Variants in TOM1L1 observed in about 807,000 individuals in gnomAD.
The protein encoded by TOM1L1 is TOM1-like protein 1.
A neutral mutation model predicts 63.4 loss-of-function variants in TOM1L1; 64 were observed. The observed-to-expected ratio is 1.01, with a 90% CI of 0.83 to 1.24. The LOEUF (loss-of-function observed/expected upper bound fraction) is 1.24. Among genes scored for constraint, TOM1L1 ranks in the 50% most tolerant of loss-of-function variants. TOM1L1 has a pLI of 0.00. For synonymous variants in TOM1L1, 166 were observed against 194.4 expected, an observed-to-expected ratio of 0.85 and a Z score of 1.22; for missense variants, 536 against 567.0, an observed-to-expected ratio of 0.95 and a Z score of 0.55.
chr17:54,906,701 T>C lies in TOM1L1; in HGVS notation c.222+1134T>C, dbSNP rs1353914714. On this transcript the variant is annotated intron_variant, in intron 3 of 15. Coordinates refer to ENST00000575882, the MANE Select transcript of TOM1L1 (RefSeq NM_005486.3). ...TTAAGCAATTCTCCTGTGTGTTGTA[T>C]TGTCTGTGATTTAAGTGTGGACTCT... The C allele has an allele frequency of 7.7e-6, 7 of 912,518 alleles. No homozygotes were observed. In the Admixed American group the frequency reaches 1.9e-4, roughly 24 times the overall value. The allele number at this position is 912,518 out of a possible 1,614,324, so 56.5% of individuals were successfully genotyped here.
intron 3 of TOM1L1, among the ~76,000 whole-genome samples, chr17:54,908,481 A>T (rs1254922422): frequency 2.6e-5 from 4 of 152,226 alleles, no homozygotes; most frequent in Non-Finnish European, 5.9e-5. Context: ...GTTTACCAGT[A>T]AACTCTTTAA....
chr17:54,901,515 C>T (rs142238060), intron 1 of TOM1L1, among the ~76,000 whole-genome samples: 1 of 152,244 alleles, frequency 6.6e-6, no homozygotes, highest in Non-Finnish European at 1.5e-5. Flanking sequence ...TCGCAGGCCA[C>T]TAGGGACTAC....
At chr17:54,954,303 A>G (rs892675987) in intron 14 of TOM1L1, 1 of 152,230 alleles carries the variant, frequency 6.6e-6, no homozygotes, top group African/African-American at 2.4e-5. Flanking sequence ...GGGCTCACCC[A>G]TAAGCCCTTA....
intron 3 of TOM1L1, among the ~76,000 whole-genome samples, chr17:54,911,345 C>T (rs1429974705): frequency 1.3e-5 from 2 of 151,780 alleles, no homozygotes; most frequent in Non-Finnish European, 2.9e-5. Context: ...TGTTTCAGCC[C>T]TTCCTCTTCT....
Position 54,937,166 on chromosome 17 carries a change from C to A in TOM1L1, c.973C>A (p.Arg325=), listed in dbSNP as rs147858585. ...TCTCCTCGACCTAAGTCCCAGTCCC[C>A]GGATGCCTAGGGCCACTCTGGGAGA... ...QDLLDLSPSP[R]MPRATLGELN... Residue 325 remains arginine, a synonymous_variant, in exon 10 of 16, where the codon CGG becomes AGG. Transcript: ENST00000575882. 1.9e-6 allele frequency: 3 copies of A among 1,613,952 alleles called. No homozygotes were observed. Among genetic ancestry groups the A allele is most frequent in the Non-Finnish European group, 2.5e-6 (3 of 1,179,988 alleles).
intron 11 of TOM1L1, among the ~76,000 whole-genome samples, chr17:54,940,204 T>G (rs1296399119): frequency 6.6e-6 from 1 of 152,180 alleles, no homozygotes; most frequent in Admixed American, 6.5e-5. Context: ...GCCATCAGGT[T>G]TTCTGATAGT....
chr17:54,916,886 A>T (rs1598014398), intron 7 of TOM1L1: 1 of 152,326 alleles, frequency 6.6e-6, no homozygotes, highest in Admixed American at 6.5e-5. Context: ...TCTGATTGTC[A>T]TGTTAAATGC....
rs752061150 is a variant in TOM1L1, at chr17:54,960,624, T to G, written c.1429T>G (p.Ter477GlyextTer5). 2.5e-6 allele frequency: 4 copies of G among 1,607,328 alleles called. No homozygotes were observed. The highest frequency in any genetic ancestry group is 1.7e-5 in the Admixed American group (1 of 60,004). The change falls in exon 15 of 16, where the codon TGA becomes GGA. Residue 477 changes from the stop codon to glycine, a stop_lost. Transcript: ENST00000575882. ...QHKGAQNDGD[*>G] ...CAAAGGAGCTCAAAATGATGGTGAC[T>G]GAGGTAAAGACTTCAACTTATACAA...
intron 14 of TOM1L1, among the ~76,000 whole-genome samples, chr17:54,956,213 C>T (rs577340272): frequency 2.6e-5 from 4 of 152,272 alleles, no homozygotes; most frequent in South Asian, 4.1e-4. Flanking sequence ...GGCATGATCA[C>T]GGCTTACTGC....
At chr17:54,905,397 A>T (rs759994240) in intron 2 of TOM1L1, 92 bp from the exon 3 acceptor site, 1 of 844,650 alleles carries the variant, frequency 1.2e-6, no homozygotes, top group Admixed American at 2.2e-5. Flanking sequence ...CTCCTTAGCC[A>T]TTCCTCTCTC....
chr17:54,938,760 GA>G (rs1268412250), intron 10 of TOM1L1, 163 bp from the exon 11 acceptor site: 7 of 499,106 alleles, frequency 1.4e-5, no homozygotes, highest in African/African-American at 1.4e-4. Context: ...GAAATCTCAT[GA>G]TTTTAGGGTG....
intron 14 of TOM1L1, among the ~76,000 whole-genome samples, chr17:54,960,119 T>A (rs938738189): frequency 6.6e-6 from 1 of 152,068 alleles, no homozygotes; most frequent in African/African-American, 2.4e-5. Context: ...TCCCAGCACT[T>A]TGGGAGGCCG....
intron 14 of TOM1L1, among the ~76,000 whole-genome samples, chr17:54,958,730 CA>C (rs61603848): frequency 0.48 from 27,642 of 57,420 alleles, 3,942 homozygotes; most frequent in East Asian, 0.59. Flanking sequence ...AACTCCATCT[CA>C]AAAAAAAAAA....
chr17:54,924,764 G>T (rs1192830336), intron 7 of TOM1L1, among the ~76,000 whole-genome samples: 1 of 152,102 alleles, frequency 6.6e-6, no homozygotes, highest in South Asian at 2.1e-4. Context: ...CAGGCTTAAT[G>T]AATCAATAGC....
At chr17:54,924,287 T>TTC (rs771971021) in intron 7 of TOM1L1, among the ~76,000 whole-genome samples, 4 of 150,406 alleles carry the variant, frequency 2.7e-5, no homozygotes, top group Non-Finnish European at 4.4e-5. Context: ...TTTTTTCTTT[T>TTC]TTTTTTTTTT....
intron 10 of TOM1L1, chr17:54,938,180 T>C (rs1443342171): frequency 1.3e-5 from 2 of 152,306 alleles, no homozygotes; most frequent in Non-Finnish European, 2.9e-5. Flanking sequence ...ATTATTCCCT[T>C]TGGGGTATCT....
At chr17:54,930,575 C>T (rs1238909369) in intron 8 of TOM1L1, among the ~76,000 whole-genome samples, 1 of 152,106 alleles carries the variant, frequency 6.6e-6, no homozygotes, top group Non-Finnish European at 1.5e-5. Flanking sequence ...CACGGTGGCT[C>T]ACACCTGTAT....
intron 3 of TOM1L1, 41 bp downstream of exon 3, chr17:54,905,608 C>T: frequency 7.9e-7 from 1 of 1,264,906 alleles, no homozygotes. Context: ...GAGGATTTCT[C>T]AAGCTATAGT....
intron 9 of TOM1L1, among the ~76,000 whole-genome samples, 196 bp from the exon 10 acceptor site, chr17:54,936,913 G>T (rs1389796951): frequency 1.3e-5 from 2 of 152,124 alleles, no homozygotes; most frequent in Non-Finnish European, 2.9e-5. Context: ...TAAAGTTAAT[G>T]TTATGAAGTT....
Sources: allele counts gnomAD v4.1 joint callset (sites outside exome capture counted in the v4.1 genomes callset), GRCh38; gene constraint gnomAD v4.1.1; transcripts MANE v1.5; gene names NCBI Gene and HGNC (gene_info 2026-07-23, HGNC 2026-07-21).